Variants in CCDC178 observed in about 807,000 individuals in gnomAD.
CCDC178 encodes coiled-coil domain containing 178, also known as coiled-coil domain-containing protein 178.
In CCDC178, 126 loss-of-function variants were observed where a neutral mutation model predicts 117.4. That is an observed-to-expected ratio of 1.07 (90% CI 0.93 to 1.24). The LOEUF (loss-of-function observed/expected upper bound fraction) is 1.24, where lower values mean the gene tolerates loss of function less well. Among genes scored for constraint, CCDC178 ranks in the 50% most tolerant of loss-of-function variants. The pLI is 0.00. For synonymous variants in CCDC178, 283 were observed against 313.4 expected, an observed-to-expected ratio of 0.90 and a Z score of 1.02; for missense variants, 1,030 against 986.9, an observed-to-expected ratio of 1.04 and a Z score of -0.59.
At chr18:33,185,573 C>T (rs761881579) in intron 20 of CCDC178, among the ~76,000 whole-genome samples, 2 of 151,708 alleles carry the variant, frequency 1.3e-5, no homozygotes, top group South Asian at 2.1e-4. Context: ...TTAAAAAGAA[C>T]GTTACAAAAT....
chr18:33,327,842 T>TA (rs1459090253), intron 10 of CCDC178, among the ~76,000 whole-genome samples: 2 of 152,090 alleles, frequency 1.3e-5, no homozygotes, highest in South Asian at 4.1e-4. Flanking sequence ...TATTTTAAAT[T>TA]TAGTTGTTTG....
chr18:33,069,756 A>G (rs2057077208), intron 21 of CCDC178, among the ~76,000 whole-genome samples: 2 of 152,150 alleles, frequency 1.3e-5, no homozygotes, highest in Non-Finnish European at 2.9e-5. Context: ...GAAAAATGGG[A>G]GAAAATGTTT....
chr18:33,245,113 T>G, intron 15 of CCDC178, 132 bp downstream of exon 15: 3 of 848,916 alleles, frequency 3.5e-6, no homozygotes, highest in Non-Finnish European at 4.9e-6. Context: ...TTCTTCTCAT[T>G]TATAAGAAGT....
At chr18:33,423,535 T>C (rs1351664566) in intron 2 of CCDC178, among the ~76,000 whole-genome samples, 2 of 152,164 alleles carry the variant, frequency 1.3e-5, no homozygotes, top group African/African-American at 4.8e-5. Flanking sequence ...ATTTTCCCTT[T>C]TGTAACCAAT....
At chr18:33,143,607 T>C (rs2058235319) in intron 20 of CCDC178, among the ~76,000 whole-genome samples, 1 of 152,080 alleles carries the variant, frequency 6.6e-6, no homozygotes. Context: ...TCCCTAATAT[T>C]ATTATATAGA....
chr18:32,951,317 C>A (rs2054477512), intron 22 of CCDC178, among the ~76,000 whole-genome samples: 1 of 151,992 alleles, frequency 6.6e-6, no homozygotes. Flanking sequence ...AAGAAATACC[C>A]AAAACTGGGT....
intron 22 of CCDC178, among the ~76,000 whole-genome samples, chr18:32,951,829 T>C (rs1048487457): frequency 3.9e-5 from 6 of 152,188 alleles, no homozygotes; most frequent in Non-Finnish European, 7.3e-5. Flanking sequence ...ACTTCCTAGA[T>C]ACAATGGGGG....
intron 21 of CCDC178, among the ~76,000 whole-genome samples, chr18:33,057,440 C>T (rs1232506062): frequency 1.3e-5 from 2 of 152,114 alleles, no homozygotes; most frequent in African/African-American, 4.8e-5. Context: ...CAGTGTTTTG[C>T]AAACTGCAGG....
At chr18:32,987,153 A>T (rs1325062753) in intron 21 of CCDC178, among the ~76,000 whole-genome samples, 2 of 151,974 alleles carry the variant, frequency 1.3e-5, no homozygotes, top group Non-Finnish European at 2.9e-5. Context: ...GGTAAAAAAT[A>T]TAATTGATTA....
At chr18:33,105,862 G>A (rs931598894) in intron 20 of CCDC178, among the ~76,000 whole-genome samples, 4 of 151,008 alleles carry the variant, frequency 2.6e-5, no homozygotes, top group Non-Finnish European at 4.4e-5. Context: ...CACAACTCAG[G>A]AGATTAAAAT....
chr18:33,024,237 A>G (rs1203069675), intron 21 of CCDC178, among the ~76,000 whole-genome samples: 1 of 152,202 alleles, frequency 6.6e-6, no homozygotes, highest in Non-Finnish European at 1.5e-5. Context: ...ACAAAACATC[A>G]CAGACTGGGT....
At chr18:33,079,304 A>C (rs1265566807) in intron 21 of CCDC178, among the ~76,000 whole-genome samples, 1 of 152,164 alleles carries the variant, frequency 6.6e-6, no homozygotes, top group African/African-American at 2.4e-5. Flanking sequence ...TTAAATGCAC[A>C]ATCCAAACCT....
At chr18:33,190,937 A>G (rs1444984372) in intron 20 of CCDC178, among the ~76,000 whole-genome samples, 2 of 152,170 alleles carry the variant, frequency 1.3e-5, no homozygotes, top group East Asian at 3.9e-4. Context: ...ATTCAAATAC[A>G]CTTTGCCCCT....
intron 15 of CCDC178, among the ~76,000 whole-genome samples, chr18:33,227,393 C>T (rs1209696189): frequency 1.3e-5 from 2 of 150,420 alleles, no homozygotes; most frequent in Non-Finnish European, 3.0e-5. Context: ...CATAGATTTG[C>T]TTTAAATTAT....
intron 6 of CCDC178, among the ~76,000 whole-genome samples, chr18:33,360,019 C>T (rs933462633): frequency 6.6e-6 from 1 of 150,922 alleles, no homozygotes; most frequent in Admixed American, 6.6e-5. Flanking sequence ...CTATTTTCCA[C>T]TGTAAAAATA....
chr18:33,139,815 C>G (rs951778415), intron 20 of CCDC178, among the ~76,000 whole-genome samples: 1 of 152,116 alleles, frequency 6.6e-6, no homozygotes, highest in Non-Finnish European at 1.5e-5. Flanking sequence ...GCGTAAGTAA[C>G]GAGAAGCCAA....
At chr18:33,257,252 T>C (rs1240210579) in intron 14 of CCDC178, among the ~76,000 whole-genome samples, 2 of 152,078 alleles carry the variant, frequency 1.3e-5, no homozygotes, top group Non-Finnish European at 2.9e-5. Context: ...CAAACCATTG[T>C]GAAAAGAGGC....
intron 21 of CCDC178, among the ~76,000 whole-genome samples, chr18:33,074,265 A>G (rs2057164886): frequency 1.3e-5 from 2 of 152,126 alleles, no homozygotes; most frequent in Non-Finnish European, 2.9e-5. Flanking sequence ...TAGCACAATG[A>G]ATTATTCACA....
intron 21 of CCDC178, among the ~76,000 whole-genome samples, chr18:32,979,032 G>A (rs1360453726): frequency 1.4e-5 from 2 of 142,938 alleles, no homozygotes; most frequent in African/African-American, 5.2e-5. Flanking sequence ...GTGAGAATCC[G>A]TCTAAAAAAA....
Sources: gnomAD v4.1 joint callset for allele counts (sites outside exome capture counted in the v4.1 genomes callset) on GRCh38, gnomAD v4.1.1 for gene constraint, MANE v1.5 for transcripts, NCBI Gene and HGNC (gene_info 2026-07-23, HGNC 2026-07-21) for gene names.